The following SMARCAD1 variants were observed in gnomAD, a reference collection of about 807,000 sequenced individuals.
The protein encoded by SMARCAD1 is SNF2 related chromatin remodeling ATPase with DExD box 1, also known as SWI/SNF-related matrix-associated actin-dependent regulator of chromatin subfamily A containing DEAD/H box 1.
Under a neutral mutation model 127.1 loss-of-function variants are expected in SMARCAD1, and 25 were observed. The observed-to-expected ratio is 0.20, with a 90% CI of 0.14 to 0.27. SMARCAD1 has a LOEUF of 0.27. Among genes scored for constraint, SMARCAD1 ranks in the 10% least tolerant of loss-of-function variants. The probability of loss-of-function intolerance (pLI) is 1.00; values close to 1 mark genes in which losing one functional copy is unlikely to be tolerated. For synonymous variants in SMARCAD1, 400 were observed against 396.9 expected (o/e 1.01, Z -0.09); for missense variants, 807 against 1,206.0 (o/e 0.67, Z 4.90).
chr4:94,257,972 G>A (rs886392723), intron 9 of SMARCAD1, among the ~76,000 whole-genome samples: 2 of 151,964 alleles, frequency 1.3e-5, no homozygotes, highest in Admixed American at 6.6e-5. Flanking sequence ...TGTCTACATT[G>A]TTATGACTAT....
chr4:94,286,929 A>G (rs552725284), intron 23 of SMARCAD1, among the ~76,000 whole-genome samples: 2 of 151,982 alleles, frequency 1.3e-5, no homozygotes, highest in East Asian at 1.9e-4. Flanking sequence ...CAGAGGCGCA[A>G]TCTCCGCGCA....
chr4:94,267,389 T>C (rs1751889547), intron 10 of SMARCAD1, among the ~76,000 whole-genome samples: 1 of 152,174 alleles, frequency 6.6e-6, no homozygotes, highest in Admixed American at 6.5e-5. Context: ...ACATAAACTT[T>C]TGGTCGGACA....
In SMARCAD1 at chr4:94,252,644, T is replaced by A; in HGVS notation, c.918T>A (p.Val306=). ...QDMQYVSQSE[V]PNGKEVSSRS... ...TGCAATATGTATCACAAAGTGAGGT[T>A]CCAAATGGAAAAGAAGTTTCTTCAA... The change falls in exon 9 of 24, where the codon GTT becomes GTA. Residue 306 remains valine (V), a synonymous_variant. Transcript: ENST00000354268. The A allele has an allele frequency of 6.4e-7, 1 of 1,573,292 alleles. No homozygotes were observed.
At chr4:94,238,425 TAGTG>T (rs1560529256) in intron 5 of SMARCAD1, among the ~76,000 whole-genome samples, 1 of 152,172 alleles carries the variant, frequency 6.6e-6, no homozygotes, top group Non-Finnish European at 1.5e-5. Flanking sequence ...GCCTGGTACA[TAGTG>T]AGTGCATACC....
intron 4 of SMARCAD1, among the ~76,000 whole-genome samples, chr4:94,235,520 A>G (rs1483198111): frequency 3.3e-5 from 5 of 151,774 alleles, no homozygotes; most frequent in African/African-American, 9.7e-5. Context: ...ACATGAATCC[A>G]CTGGATTTTT....
At chr4:94,275,091 T>A in intron 14 of SMARCAD1, 126 bp downstream of exon 14, 1 of 751,788 alleles carries the variant, frequency 1.3e-6, no homozygotes, top group Non-Finnish European at 2.3e-6. Context: ...ATAGAATGAC[T>A]AATGTTGAGG....
intron 10 of SMARCAD1, 23 bp downstream of exon 10, chr4:94,264,929 A>T: frequency 6.3e-7 from 1 of 1,590,044 alleles, no homozygotes; most frequent in Non-Finnish European, 8.6e-7. Flanking sequence ...GAATATATTT[A>T]TTCGTATTTT....
intron 9 of SMARCAD1, among the ~76,000 whole-genome samples, chr4:94,260,448 A>G (rs1441607009): frequency 6.6e-6 from 1 of 152,028 alleles, no homozygotes; most frequent in Non-Finnish European, 1.5e-5. Context: ...GGTTCAAGAA[A>G]TTCTTGTGCC....
rs1316462681 is a variant in SMARCAD1, at chr4:94,289,811, T to C, written c.*277T>C. 5.5e-6 allele frequency: 3 copies of C among 543,922 alleles called. No individual in the cohort carries two copies. The Admixed American group carries it at 6.6e-5, about 12-fold the overall frequency. 33.7% of individuals were successfully genotyped at this position (543,922 alleles called of 1,614,324 possible). A position where few individuals can be genotyped will look rare whatever the true frequency, so the allele number is the denominator to read the frequency against. On this transcript the variant is annotated 3_prime_UTR_variant, in exon 24 of 24. Coordinates refer to ENST00000354268, the MANE Select transcript of SMARCAD1 (RefSeq NM_020159.5). ...CTGAATGGGGATTAGTTGGTGATTG[T>C]TTGTAACAAATATGCTAATGCTTTA...
chr4:94,228,652 G>T (rs1216482777), intron 3 of SMARCAD1, among the ~76,000 whole-genome samples: 4 of 151,150 alleles, frequency 2.6e-5, no homozygotes, highest in African/African-American at 9.7e-5. Flanking sequence ...AAAAACAGCT[G>T]AACTAAGCAA....
At position 94,278,600 on chromosome 4, in the gene SMARCAD1, G is replaced by C; in HGVS notation, c.2179-16G>C. On this transcript the variant is annotated splice_polypyrimidine_tract_variant and intron_variant, in intron 17 of 23. Coordinates refer to ENST00000354268, the MANE Select transcript of SMARCAD1 (RefSeq NM_020159.5). ...TTTACTAGAATGATTATCTTAAACT[G>C]TTTTTTCTGTCTCAGGTTCTCAAGC... 1 of 1,613,458 alleles carries C rather than the reference G, an allele frequency of 6.2e-7. No individual in the cohort carries two copies. The highest frequency in any genetic ancestry group is 8.5e-7 in the Non-Finnish European group (1 of 1,179,562).
intron 3 of SMARCAD1, among the ~76,000 whole-genome samples, chr4:94,231,065 GTT>G (rs1745762501): frequency 6.6e-6 from 1 of 152,190 alleles, no homozygotes; most frequent in Non-Finnish European, 1.5e-5. Context: ...TCACTGAGTT[GTT>G]GTGCGAAAGA....
intron 14 of SMARCAD1, 56 bp downstream of exon 14, chr4:94,275,021 A>C: frequency 8.0e-7 from 1 of 1,244,102 alleles, no homozygotes; most frequent in Non-Finnish European, 1.2e-6. Flanking sequence ...CAAATTTAAA[A>C]AAGAAATTGT....
intron 4 of SMARCAD1, 121 bp downstream of exon 4, chr4:94,234,243 T>A: frequency 1.1e-6 from 1 of 912,254 alleles, no homozygotes; most frequent in Non-Finnish European, 1.7e-6. Flanking sequence ...TATTAACTAT[T>A]AAATCTAAAG....
intron 16 of SMARCAD1, among the ~76,000 whole-genome samples, chr4:94,277,477 T>G (rs1753470964): frequency 1.3e-5 from 2 of 152,212 alleles, no homozygotes; most frequent in Admixed American, 1.3e-4. Context: ...TGTATCAAAA[T>G]TGGCTACGTA....
At chr4:94,287,087 A>T (rs193009945) in intron 23 of SMARCAD1, among the ~76,000 whole-genome samples, 6 of 151,638 alleles carry the variant, frequency 4.0e-5, no homozygotes, top group Admixed American at 3.9e-4. Flanking sequence ...GATGGTCTTG[A>T]TCTCCTGACC....
chr4:94,235,884 G>A (rs1343435198), intron 4 of SMARCAD1, among the ~76,000 whole-genome samples: 1 of 151,920 alleles, frequency 6.6e-6, no homozygotes. Context: ...AGATTGATAT[G>A]CATAATTTCC....
At position 94,240,745 on chromosome 4, in the gene SMARCAD1, T is replaced by C. The variant is rs901893596; in HGVS notation, c.605-161T>C. Among the ~76,000 whole-genome samples the C allele has an allele frequency of 2.0e-5, 3 of 151,634 alleles. No individual in the cohort carries two copies. In the East Asian group the frequency reaches 5.8e-4, roughly 29 times the overall value. On this transcript the variant is annotated intron_variant, in intron 5 of 23. Transcript: ENST00000354268. Reference sequence around the variant, plus strand: ...CTGAAAGACTGCAAAGAATGTTTACTTTTTTTTTCAATTCAGTCATATGTA... The same window carrying C: ...CTGAAAGACTGCAAAGAATGTTTACCTTTTTTTTCAATTCAGTCATATGTA...
chr4:94,232,149 C>T (rs1320040827), intron 3 of SMARCAD1, among the ~76,000 whole-genome samples: 1 of 152,190 alleles, frequency 6.6e-6, no homozygotes, highest in Non-Finnish European at 1.5e-5. Flanking sequence ...AGGTGTGAGC[C>T]ACTGCACCCG....
Sources: gnomAD v4.1 joint callset for allele counts (sites outside exome capture counted in the v4.1 genomes callset) on GRCh38, gnomAD v4.1.1 for gene constraint, MANE v1.5 for transcripts, NCBI Gene and HGNC (gene_info 2026-07-23, HGNC 2026-07-21) for gene names.